ZC3H12A: variants seen among roughly 807,000 people sequenced by gnomAD.
ZC3H12A encodes the protein endoribonuclease ZC3H12A.
ZC3H12A carries 9 observed loss-of-function variants against 29.9 expected under a neutral mutation model. That is an observed-to-expected ratio of 0.30 (90% confidence interval 0.18 to 0.53). ZC3H12A has a LOEUF of 0.53. ZC3H12A is among the 20% of genes least tolerant of loss of function. The pLI is 0.96. For synonymous variants in ZC3H12A, 323 were observed against 338.1 expected (o/e 0.96, Z 0.49); for missense variants, 617 against 799.0 (o/e 0.77, Z 2.75).
Position 37,482,877 on chromosome 1 carries a change from C to G in ZC3H12A, c.1066C>G (p.Arg356Gly). 1.9e-6 allele frequency: 3 copies of G among 1,613,918 alleles called. No homozygotes were observed. Among genetic ancestry groups the G allele is most frequent in the Non-Finnish European group, 2.5e-6 (3 of 1,180,040 alleles). ...AGCCCCAAGCAAGGACAAAAATGGCCGGCGGCCTTCACCTTCATCCCAGTC... is the reference window on the plus strand; with the variant it reads ...AGCCCCAAGCAAGGACAAAAATGGCGGGCGGCCTTCACCTTCATCCCAGTC... ...PRAPSKDKNGRRPSPSSQSSS... is the reference protein window; with the variant it reads ...PRAPSKDKNGGRPSPSSQSSS... The change falls in exon 6 of 6, where the codon CGG (arginine) becomes GGG (glycine). Residue 356 changes from arginine to glycine, a missense_variant. Arg to Gly is a moderately radical substitution (Grantham distance 125). Around this residue, in one of 5 missense-constraint regions of ZC3H12A, gnomAD observed 115 missense variants for 112.5 expected, o/e 1.02. Transcript: ENST00000373087.
rs1641659570 is a variant in ZC3H12A at position 37,479,663 on chromosome 1, G to A, written c.444-627G>A. 3.0e-6 allele frequency: 3 copies of A among 985,252 alleles called. No homozygotes were observed. The highest frequency in any genetic ancestry group is 3.6e-6 in the Non-Finnish European group (3 of 829,934). 61.0% of individuals were successfully genotyped at this position (985,252 alleles called of 1,614,324 possible). A position where few individuals can be genotyped will look rare whatever the true frequency, so the allele number is the denominator to read the frequency against. On this transcript the variant is annotated intron_variant, in intron 2 of 5. Transcript: ENST00000373087. The surrounding 1 kb of genome is among the most constrained non-coding windows in gnomAD (Gnocchi z 4.5). The stretch of plus-strand genomic sequence containing the variant: ...CCGGCGCTTTCTGTCCCATGCTGAA[G>A]GCTGGAGTCGCCAGCCCCTTCCCCT...
Position 37,481,623 on chromosome 1 carries a change from G to T in ZC3H12A, c.606G>T (p.Leu202=), listed in dbSNP as rs1158723618. ...PITDQHILRE[L]EKKKILVFTP... is the part of the protein sequence containing the mutation. Reference sequence around the variant, plus strand: ...CAGACCAGCACATCCTGCGGGAACTGGAGAAGAAGAAGATCCTGGTGTTCA... The same window carrying T: ...CAGACCAGCACATCCTGCGGGAACTTGAGAAGAAGAAGATCCTGGTGTTCA... The change falls in exon 4 of 6, where the codon CTG becomes CTT. Residue 202 remains leucine (L), a synonymous_variant. Transcript: ENST00000373087. 6.2e-7 allele frequency: 1 copy of T among 1,614,236 alleles called. No individual in the cohort carries two copies. The highest frequency in any genetic ancestry group is 2.2e-5 in the East Asian group (1 of 44,888).
At chr1:37,477,001 G>C (rs1641604989) in intron 2 of ZC3H12A, among the ~76,000 whole-genome samples, 1 of 152,242 alleles carries the variant, frequency 6.6e-6, no homozygotes, top group South Asian at 2.1e-4. Context: ...TCACTGTCCA[G>C]CTGGCCCTGG....
chr1:37,483,023 C>A lies in ZC3H12A; in HGVS notation c.1212C>A (p.Ser404Arg). 2 of 1,607,892 alleles carry A rather than the reference C, an allele frequency of 1.2e-6. No individual in the cohort carries two copies. Among genetic ancestry groups the A allele is most frequent in the South Asian group, 2.2e-5 (2 of 90,466 alleles). The change falls in exon 6 of 6, where the codon AGC (serine) becomes AGA (arginine). Residue 404 changes from serine (S) to arginine (R), a missense_variant. Physicochemically the swap from Ser to Arg is moderately radical, Grantham distance 110. Transcript: ENST00000373087. ...LTQTYAPSGRSLAPSGGSGSS... is the reference protein window; with the variant it reads ...LTQTYAPSGRRLAPSGGSGSS... The stretch of plus-strand genomic sequence containing the variant: ...AGACCTATGCCCCATCAGGCAGGAG[C>A]CTCGCACCTAGCGGGGGCAGTGGCA...
In ZC3H12A at chr1:37,483,887, G is replaced by T. The variant is rs1172655911; in HGVS notation, c.*276G>T. Reference sequence around the variant, plus strand: ...AGTTTAAGGAGACGCTGCCGGTAACGGCGTCGGTCCGTGGCTGAGGCCCAA... The same window carrying T: ...AGTTTAAGGAGACGCTGCCGGTAACTGCGTCGGTCCGTGGCTGAGGCCCAA... On this transcript the variant is annotated 3_prime_UTR_variant, in exon 6 of 6. Coordinates refer to ENST00000373087, the MANE Select transcript of ZC3H12A (RefSeq NM_025079.3). The T allele has an allele frequency of 2.4e-6, 1 of 420,638 alleles. No individual in the cohort carries two copies. Among genetic ancestry groups the T allele is most frequent in the African/African-American group, 2.0e-5 (1 of 50,840 alleles). The allele number at this position is 420,638 out of a possible 1,614,324, so 26.1% of individuals were successfully genotyped here.
chr1:37,474,586 C>G lies in ZC3H12A; in HGVS notation c.-82C>G, dbSNP rs1416120479. ...CGCCGCCGTCCTTACCCCCAGGACTCGGCCCCATGGAGACGCCGCCGGCCG... is the reference window on the plus strand; with the variant it reads ...CGCCGCCGTCCTTACCCCCAGGACTGGGCCCCATGGAGACGCCGCCGGCCG... On this transcript the variant is annotated 5_prime_UTR_variant, in exon 1 of 6. Transcript: ENST00000373087. 2 of 152,024 alleles carry G rather than the reference C, an allele frequency of 1.3e-5. No individual in the cohort carries two copies. Among genetic ancestry groups the G allele is most frequent in the Non-Finnish European group, 2.9e-5 (2 of 68,006 alleles). The allele number at this position is 152,024 out of a possible 1,614,324, so 9.4% of individuals were successfully genotyped here. A position where few individuals can be genotyped will look rare whatever the true frequency, so the allele number is the denominator to read the frequency against.
At chr1:37,481,881 G>C in intron 4 of ZC3H12A, 46 bp downstream of exon 4, 1 of 1,567,572 alleles carries the variant, frequency 6.4e-7, no homozygotes, top group East Asian at 2.3e-5. Context: ...GTCCACAGGG[G>C]AAGCCAGAGG....
chr1:37,480,217 C>T (rs879070206), intron 2 of ZC3H12A, 73 bp from the exon 3 acceptor site: 1 of 1,555,896 alleles, frequency 6.4e-7, no homozygotes, highest in Non-Finnish European at 8.7e-7. Context: ...TGACCACCTC[C>T]CTCCTCCTGC....
At position 37,479,586 on chromosome 1, in the gene ZC3H12A, G is replaced by C; in HGVS notation, c.444-704G>C. On this transcript the variant is annotated intron_variant, in intron 2 of 5. Coordinates refer to ENST00000373087, the MANE Select transcript of ZC3H12A (RefSeq NM_025079.3). The surrounding 1 kb of genome is among the most constrained non-coding windows in gnomAD (Gnocchi z 4.5). Reference sequence around the variant, plus strand: ...GGGAATTGCCATCTTGGGAGGAAAAGCAGTATCCTTTCACTTTCAGACTGA... The same window carrying C: ...GGGAATTGCCATCTTGGGAGGAAAACCAGTATCCTTTCACTTTCAGACTGA... The C allele has an allele frequency of 1.0e-6, 1 of 985,452 alleles. No homozygotes were observed. The highest frequency in any genetic ancestry group is 1.2e-6 in the Non-Finnish European group (1 of 829,936). 61.0% of individuals were successfully genotyped at this position (985,452 alleles called of 1,614,324 possible).
At chr1:37,477,873 A>G (rs1385660206) in intron 2 of ZC3H12A, among the ~76,000 whole-genome samples, 1 of 152,152 alleles carries the variant, frequency 6.6e-6, no homozygotes, top group Non-Finnish European at 1.5e-5. Flanking sequence ...GGGCTCTGAT[A>G]GCGCCCACTG....
In ZC3H12A at chr1:37,475,743, G is replaced by A; in HGVS notation, c.247G>A (p.Gly83Ser). 6.2e-7 allele frequency: 1 copy of A among 1,613,940 alleles called. No individual in the cohort carries two copies. Reference sequence around the variant, plus strand: ...CCAGGCAGACACCAACACGGTGCTGGGTGAGCTGGTGAAACACGGGACAGC... The same window carrying A: ...CCAGGCAGACACCAACACGGTGCTGAGTGAGCTGGTGAAACACGGGACAGC... ...GVQADTNTVLGELVKHGTATE... is the reference protein window; with the variant it reads ...GVQADTNTVLSELVKHGTATE... The change falls in exon 2 of 6, where the codon GGT becomes AGT. Residue 83 changes from glycine to serine, a missense_variant. Transcript: ENST00000373087. This position sits in a 1 kb window ranked among gnomAD's most constrained non-coding sequence, Gnocchi z 5.2.
At position 37,479,634 on chromosome 1, in the gene ZC3H12A, C is replaced by T; in HGVS notation, c.444-656C>T. The T allele has an allele frequency of 2.0e-6, 2 of 985,446 alleles. No homozygotes were observed. The highest frequency in any genetic ancestry group is 2.4e-6 in the Non-Finnish European group (2 of 829,942). The allele number at this position is 985,446 out of a possible 1,614,324, so 61.0% of individuals were successfully genotyped here. A position where few individuals can be genotyped will look rare whatever the true frequency, so the allele number is the denominator to read the frequency against. ...TGAAAGGCTCCTGGGGAACTTGCTT[C>T]ACTCCGGCGCTTTCTGTCCCATGCT... On this transcript the variant is annotated intron_variant, in intron 2 of 5. Transcript: ENST00000373087. The surrounding 1 kb of genome is among the most constrained non-coding windows in gnomAD (Gnocchi z 4.5).
rs1641646752 is a variant in ZC3H12A, at chr1:37,479,052, C to T, written c.444-1238C>T. ...CAGCTATCACCCCTTACCTCCCCCACTCCCATTAAAGACACCCACAGGATG... is the reference window on the plus strand; with the variant it reads ...CAGCTATCACCCCTTACCTCCCCCATTCCCATTAAAGACACCCACAGGATG... On this transcript the variant is annotated intron_variant, in intron 2 of 5. Coordinates refer to ENST00000373087, the MANE Select transcript of ZC3H12A (RefSeq NM_025079.3). This position sits in a 1 kb window ranked among gnomAD's most constrained non-coding sequence, Gnocchi z 4.5. 1 of 985,224 alleles carries T rather than the reference C, an allele frequency of 1.0e-6. No individual in the cohort carries two copies. Among genetic ancestry groups the T allele is most frequent in the Non-Finnish European group, 1.2e-6 (1 of 829,938 alleles). The allele number at this position is 985,224 out of a possible 1,614,324, so 61.0% of individuals were successfully genotyped here.
In ZC3H12A at chr1:37,478,540, G is replaced by A. The variant is rs114592057; in HGVS notation, c.444-1750G>A. On this transcript the variant is annotated intron_variant, in intron 2 of 5. Transcript: ENST00000373087. This position sits in a 1 kb window ranked among gnomAD's most constrained non-coding sequence, Gnocchi z 5.2. Reference sequence around the variant, plus strand: ...TGAAGCCATATATCTGGCCACCAGCGGGAGCTCAGTGCCTGCGAATCCCTG... The same window carrying A: ...TGAAGCCATATATCTGGCCACCAGCAGGAGCTCAGTGCCTGCGAATCCCTG... Among the ~76,000 whole-genome samples, 2,897 of 152,216 alleles carry A rather than the reference G, an allele frequency of 0.019. 48 individuals are homozygous for A. Among genetic ancestry groups the A allele is most frequent in the Non-Finnish European group, 0.026 (1,761 of 68,010 alleles).
intron 4 of ZC3H12A, 104 bp from the exon 5 acceptor site, chr1:37,482,330 C>T: frequency 4.0e-6 from 4 of 1,001,040 alleles, no homozygotes; most frequent in Non-Finnish European, 6.0e-6. Context: ...TTTTAGGTGT[C>T]ACTCTCCTAT....
At chr1:37,480,502 T>C in intron 3 of ZC3H12A, 73 bp downstream of exon 3, 1 of 1,527,218 alleles carries the variant, frequency 6.5e-7, no homozygotes, top group South Asian at 1.2e-5. Context: ...AGAGACCCTC[T>C]GGGAGTGACC....
rs1641781309 is a variant in ZC3H12A, at chr1:37,484,267, G to A, written c.*656G>A. 6.6e-6 allele frequency: 1 copy of A among 152,310 alleles called. No individual in the cohort carries two copies. The highest frequency in any genetic ancestry group is 6.5e-5 in the Admixed American group (1 of 15,290). 9.4% of individuals were successfully genotyped at this position (152,310 alleles called of 1,614,324 possible). On this transcript the variant is annotated 3_prime_UTR_variant, in exon 6 of 6. Coordinates refer to ENST00000373087, the MANE Select transcript of ZC3H12A (RefSeq NM_025079.3). ...AGTCATCTCGCCCTTCCCCATGGGT[G>A]GGGGAACCTGTGTTTGTTTGTGTGC...
chr1:37,481,682 T>C lies in ZC3H12A; in HGVS notation c.665T>C (p.Val222Ala), dbSNP rs1641709237. Residue 222 changes from valine to alanine, a missense_variant, in exon 4 of 6, where the codon GTG (valine) becomes GCG (alanine). Transcript: ENST00000373087. ...PSRRVGGKRV[V>A]CYDDRFIVKL... ...CGACGCGTGGGTGGCAAGCGGGTGG[T>C]GTGCTATGACGACAGATTCATTGTG... 2 of 1,614,226 alleles carry C rather than the reference T, an allele frequency of 1.2e-6. No homozygotes were observed. Among genetic ancestry groups the C allele is most frequent in the Non-Finnish European group, 1.7e-6 (2 of 1,180,032 alleles).
At chr1:37,477,675 T>TAC (rs1465963871) in intron 2 of ZC3H12A, among the ~76,000 whole-genome samples, 3 of 152,240 alleles carry the variant, frequency 2.0e-5, no homozygotes, top group Non-Finnish European at 4.4e-5. Context: ...TGGAGTCTTC[T>TAC]ACACACACAT....
Sources: gnomAD v4.1 joint callset for allele counts (sites outside exome capture counted in the v4.1 genomes callset) on GRCh38, gnomAD v4.1.1 for gene constraint, gnomAD v4.1.1 regional missense constraint, Gnocchi (gnomAD v3.1) non-coding constraint, MANE v1.5 for transcripts, NCBI Gene and HGNC (gene_info 2026-07-23, HGNC 2026-07-21) for gene names.